The following DGKB variants were observed in gnomAD, a reference collection of about 807,000 sequenced individuals.
DGKB encodes the protein 90 kDa diacylglycerol kinase.
A neutral mutation model predicts 114.3 loss-of-function variants in DGKB; 67 were observed. That is an observed-to-expected ratio of 0.59 (90% CI 0.48 to 0.72). The LOEUF is 0.72. Among genes scored for constraint, DGKB ranks in the 30% least tolerant of loss-of-function variants. The pLI, the probability that DGKB is intolerant of heterozygous loss-of-function variation, is 0.00. For synonymous variants in DGKB, 398 were observed against 323.1 expected, an observed-to-expected ratio of 1.23 and a Z score of -2.49; for missense variants, 907 against 975.2, an observed-to-expected ratio of 0.93 and a Z score of 0.93.
intron 1 of DGKB, among the ~76,000 whole-genome samples, chr7:14,950,738 A>G (rs1018613538): frequency 3.7e-4 from 56 of 152,134 alleles, no homozygotes; most frequent in African/African-American, 1.3e-3. Context: ...TCTCTAACTC[A>G]TTCAATTAAG....
At chr7:14,919,169 A>C (rs1428158130) in intron 1 of DGKB, among the ~76,000 whole-genome samples, 7 of 151,710 alleles carry the variant, frequency 4.6e-5, no homozygotes, top group African/African-American at 7.3e-5. Flanking sequence ...TAGGTGACTC[A>C]ATACTGAAGA....
chr7:14,249,622 A>G (rs1794944857), intron 23 of DGKB, among the ~76,000 whole-genome samples: 1 of 152,100 alleles, frequency 6.6e-6, no homozygotes, highest in Non-Finnish European at 1.5e-5. Flanking sequence ...TAATTTGTCA[A>G]CATATAATTG....
chr7:14,970,339 T>C (rs1160425912), intron 1 of DGKB, among the ~76,000 whole-genome samples: 1 of 151,944 alleles, frequency 6.6e-6, no homozygotes, highest in Non-Finnish European at 1.5e-5. Flanking sequence ...AAGAGGGAAC[T>C]AGACAATATA....
Position 14,830,266 on chromosome 7 carries a change from C to A in DGKB, c.70+10928G>T, listed in dbSNP as rs746384622. ...ATCCTATGAATAATCAGAATCTATT[C>A]TCTCTGTTCCATGGATGCTGTGGGA... On this transcript the variant is annotated intron_variant, in intron 2 of 25. Coordinates refer to ENST00000402815, the MANE Select transcript of DGKB (RefSeq NM_001350709.2). Among the ~76,000 whole-genome samples, 25 of 152,044 alleles carry A rather than the reference C, an allele frequency of 1.6e-4. 1 individual carries two copies. Among genetic ancestry groups the A allele is most frequent in the African/African-American group, 3.1e-4 (13 of 41,396 alleles).
chr7:14,467,028 T>C (rs1780577476), intron 21 of DGKB, among the ~76,000 whole-genome samples: 2 of 152,118 alleles, frequency 1.3e-5, no homozygotes, highest in African/African-American at 4.8e-5. Context: ...TGAAAATTTC[T>C]GGACTATGCC....
intron 12 of DGKB, among the ~76,000 whole-genome samples, chr7:14,681,040 T>C (rs1470929552): frequency 2.6e-5 from 4 of 151,500 alleles, no homozygotes; most frequent in Non-Finnish European, 5.9e-5. Flanking sequence ...ATATTCACTA[T>C]ATGAAAAAAA....
chr7:14,637,697 T>C (rs991488517), intron 13 of DGKB, among the ~76,000 whole-genome samples: 5 of 151,934 alleles, frequency 3.3e-5, no homozygotes, highest in African/African-American at 1.2e-4. Context: ...ACTAAACTCA[T>C]CTTGGTGGAG....
intron 1 of DGKB, among the ~76,000 whole-genome samples, chr7:14,949,105 G>A (rs967235652): frequency 3.3e-5 from 5 of 151,690 alleles, no homozygotes; most frequent in Admixed American, 6.6e-5. Flanking sequence ...GTGAAATTTT[G>A]CAAGCCAAAC....
intron 20 of DGKB, among the ~76,000 whole-genome samples, chr7:14,499,864 C>CA (rs1785871308): frequency 6.7e-6 from 1 of 149,866 alleles, no homozygotes; most frequent in Non-Finnish European, 1.5e-5. Flanking sequence ...AATGTGGAAA[C>CA]AAAAAACATA....
At chr7:14,207,164 C>A (rs560668789) in intron 23 of DGKB, among the ~76,000 whole-genome samples, 3 of 152,144 alleles carry the variant, frequency 2.0e-5, no homozygotes, top group South Asian at 4.1e-4. Context: ...TCTCCCTCTG[C>A]CTCCTTTGAG....
chr7:14,294,628 ACAT>A (rs1194701039), intron 23 of DGKB, among the ~76,000 whole-genome samples: 2 of 152,218 alleles, frequency 1.3e-5, no homozygotes, highest in Admixed American at 6.5e-5. Flanking sequence ...CATTGTCCTG[ACAT>A]CAGTTTATTG....
At chr7:14,392,995 G>GTGTTTTTTTTTTTTTTTT (rs1821577015) in intron 21 of DGKB, among the ~76,000 whole-genome samples, 9 of 60,546 alleles carry the variant, frequency 1.5e-4, no homozygotes, top group African/African-American at 3.9e-4. Flanking sequence ...TTTTGTTTTT[G>GTGTTTTTTTTTTTTTTTT]TTTTTTTTTT....
chr7:14,970,883 G>A (rs1787424549), intron 1 of DGKB, among the ~76,000 whole-genome samples: 1 of 152,136 alleles, frequency 6.6e-6, no homozygotes, highest in Admixed American at 6.6e-5. Context: ...GATGGACAGC[G>A]TACACTAGGA....
intron 21 of DGKB, among the ~76,000 whole-genome samples, chr7:14,402,719 C>G (rs1823331214): frequency 6.6e-6 from 1 of 151,760 alleles, no homozygotes; most frequent in Admixed American, 6.6e-5. Flanking sequence ...CCAGTTTGGC[C>G]ACATACCAGT....
At chr7:14,214,049 G>A (rs1011133637) in intron 23 of DGKB, among the ~76,000 whole-genome samples, 2 of 151,204 alleles carry the variant, frequency 1.3e-5, no homozygotes, top group African/African-American at 4.9e-5. Context: ...TTTCACTTTT[G>A]TTCATCTCTG....
At chr7:14,893,396 T>TTC (rs1266109069) in intron 1 of DGKB, among the ~76,000 whole-genome samples, 1 of 151,450 alleles carries the variant, frequency 6.6e-6, no homozygotes, top group Non-Finnish European at 1.5e-5. Flanking sequence ...TGTTGCTGTT[T>TTC]TCTTCCTCTA....
chr7:14,841,938 T>A (rs142060409), intron 1 of DGKB, among the ~76,000 whole-genome samples: 1 of 152,182 alleles, frequency 6.6e-6, no homozygotes, highest in Non-Finnish European at 1.5e-5. Context: ...TTCAAAAGAT[T>A]GGCCAAATTA....
chr7:14,761,835 C>T (rs1019605438), intron 2 of DGKB, among the ~76,000 whole-genome samples: 1 of 152,096 alleles, frequency 6.6e-6, no homozygotes, highest in African/African-American at 2.4e-5. Flanking sequence ...TGCTAGGCAG[C>T]CCAGTGCTGA....
chr7:14,957,903 C>T (rs1385607929), intron 1 of DGKB, among the ~76,000 whole-genome samples: 2 of 151,936 alleles, frequency 1.3e-5, no homozygotes, highest in Admixed American at 6.6e-5. Context: ...AGTTGACTCT[C>T]GTAGCACTAT....
Sources: gnomAD v4.1 joint callset for allele counts (sites outside exome capture counted in the v4.1 genomes callset) on GRCh38, gnomAD v4.1.1 for gene constraint, MANE v1.5 for transcripts, NCBI Gene and HGNC (gene_info 2026-07-23, HGNC 2026-07-21) for gene names.